PTPRG: variants seen among roughly 807,000 people sequenced by gnomAD.
The protein encoded by PTPRG is receptor-type tyrosine-protein phosphatase gamma.
In PTPRG, 102 loss-of-function variants were observed where a neutral mutation model predicts 165.3. That is an observed-to-expected ratio of 0.62 (90% CI 0.53 to 0.73). PTPRG has a LOEUF of 0.73. Ranked by LOEUF, PTPRG falls within the 30% of genes least tolerant of loss-of-function variation. The pLI, the probability that PTPRG is intolerant of heterozygous loss-of-function variation, is 0.00. For missense variants in PTPRG, 1,866 were observed against 1,861.4 expected, an observed-to-expected ratio of 1.00 and a Z score of -0.05; for synonymous variants, 675 against 669.5, an observed-to-expected ratio of 1.01 and a Z score of -0.13.
chr3:61,746,039 C>A (rs1575628203), intron 1 of PTPRG, among the ~76,000 whole-genome samples: 1 of 122,824 alleles, frequency 8.1e-6, no homozygotes, highest in South Asian at 2.8e-4. Context: ...AACTTTCTTT[C>A]TTTTTCTTTT....
rs1553670530 is a variant in PTPRG at position 61,797,918 on chromosome 3, A to AC, written c.190+48937dup. On this transcript the variant is annotated intron_variant, in intron 2 of 29. Transcript: ENST00000474889. ...AGAGAAGGAGAAAAAAATGAAAAAA[A>AC]CAAGAAGGATGAGGATGAAATTTTT... 7.4e-4 allele frequency among the ~76,000 whole-genome samples: 113 copies of AC among 152,122 alleles called. 2 individuals carry two copies. In the East Asian group the frequency reaches 0.017, roughly 23 times the overall value.
chr3:61,865,355 C>G (rs1021505830), intron 2 of PTPRG, among the ~76,000 whole-genome samples: 12 of 152,168 alleles, frequency 7.9e-5, no homozygotes, highest in African/African-American at 2.2e-4. Context: ...ATTTAATTCT[C>G]CAAAAATCCC....
At chr3:62,028,828 T>G (rs146017338) in intron 4 of PTPRG, among the ~76,000 whole-genome samples, 3 of 152,380 alleles carry the variant, frequency 2.0e-5, no homozygotes, top group Non-Finnish European at 4.4e-5. Context: ...GGACATTTCC[T>G]CCTTCTGCTG....
intron 4 of PTPRG, among the ~76,000 whole-genome samples, chr3:62,017,418 ATT>A (rs11287319): frequency 6.0e-3 from 826 of 136,840 alleles, no homozygotes; most frequent in Middle Eastern, 0.011. Flanking sequence ...TCAGAAAATG[ATT>A]TTTTTTTTTT....
intron 2 of PTPRG, among the ~76,000 whole-genome samples, chr3:61,892,256 T>G (rs2038235332): frequency 6.6e-6 from 1 of 152,212 alleles, no homozygotes; most frequent in Non-Finnish European, 1.5e-5. Context: ...AGACAGAGTC[T>G]TGCTTTGTTG....
intron 16 of PTPRG, chr3:62,261,086 G>A (rs1701682972): frequency 6.6e-6 from 1 of 152,022 alleles, no homozygotes; most frequent in Non-Finnish European, 1.5e-5. Context: ...CATAGCTAGG[G>A]TGGTCAGATC....
At chr3:62,026,977 T>C (rs1050274076) in intron 4 of PTPRG, among the ~76,000 whole-genome samples, 1 of 151,760 alleles carries the variant, frequency 6.6e-6, no homozygotes, top group Non-Finnish European at 1.5e-5. Flanking sequence ...GCCAGACATA[T>C]GGGCAAATGA....
In PTPRG at chr3:62,019,346, A is replaced by G. The variant is rs915806603; in HGVS notation, c.519+15849A>G. ...AGACCACCCTGGGCTACATGGGGAA[A>G]CCCCATCTCTACCAAAAATACAAAA... On this transcript the variant is annotated intron_variant, in intron 4 of 29. Coordinates refer to ENST00000474889, the MANE Select transcript of PTPRG (RefSeq NM_002841.4). 2.0e-5 allele frequency among the ~76,000 whole-genome samples: 3 copies of G among 151,986 alleles called. 1 individual carries two copies. The South Asian group carries it at 6.2e-4, about 32-fold the overall frequency.
chr3:61,595,316 C>G (rs9867132), intron 1 of PTPRG, among the ~76,000 whole-genome samples: 24,971 of 148,754 alleles, frequency 0.17, 3,073 homozygotes, highest in African/African-American at 0.35. Flanking sequence ...GGGAAAAAAT[C>G]TGATTATATA....
intron 2 of PTPRG, among the ~76,000 whole-genome samples, chr3:61,898,558 A>G (rs1046793937): frequency 2.0e-5 from 3 of 152,208 alleles, no homozygotes; most frequent in African/African-American, 7.2e-5. Flanking sequence ...CTGAGTTCAT[A>G]TTTAAACCTA....
At chr3:61,925,057 C>T (rs1441331630) in intron 2 of PTPRG, among the ~76,000 whole-genome samples, 1 of 147,428 alleles carries the variant, frequency 6.8e-6, no homozygotes, top group African/African-American at 2.5e-5. Context: ...TCCTAGCCTC[C>T]AGAACTGTGA....
intron 2 of PTPRG, among the ~76,000 whole-genome samples, chr3:61,902,818 A>C (rs896306102): frequency 1.3e-5 from 2 of 152,108 alleles, no homozygotes; most frequent in African/African-American, 4.8e-5. Context: ...TGTATCTGGC[A>C]TATATCAGTG....
At chr3:62,209,594 G>A (rs1700310061) in intron 12 of PTPRG, among the ~76,000 whole-genome samples, 1 of 152,144 alleles carries the variant, frequency 6.6e-6, no homozygotes, top group South Asian at 2.1e-4. Flanking sequence ...GCCAGTGCTA[G>A]TTTTGCTCGT....
intron 2 of PTPRG, among the ~76,000 whole-genome samples, chr3:61,896,202 C>T (rs989395355): frequency 4.6e-5 from 7 of 152,264 alleles, no homozygotes; most frequent in East Asian, 1.9e-4. Context: ...TTTATAACCA[C>T]GCCTACCTCC....
chr3:62,068,525 G>T (rs531789073), intron 4 of PTPRG, among the ~76,000 whole-genome samples: 2 of 152,234 alleles, frequency 1.3e-5, no homozygotes, highest in East Asian at 3.9e-4. Flanking sequence ...ACCCAGGTTG[G>T]AGTGCAGTGA....
chr3:61,959,858 C>A (rs76312611), intron 2 of PTPRG, among the ~76,000 whole-genome samples: 14,170 of 152,120 alleles, frequency 0.093, 786 homozygotes, highest in East Asian at 0.22. Flanking sequence ...TCTTCTTTGC[C>A]CTTTAAGAGA....
intron 1 of PTPRG, among the ~76,000 whole-genome samples, chr3:61,696,000 A>G (rs1446319938): frequency 2.0e-5 from 3 of 152,148 alleles, no homozygotes; most frequent in African/African-American, 7.2e-5. Context: ...TGTTTTGACA[A>G]CATTCTGTGG....
At chr3:61,674,905 T>C (rs1703171144) in intron 1 of PTPRG, among the ~76,000 whole-genome samples, 1 of 152,192 alleles carries the variant, frequency 6.6e-6, no homozygotes, top group Non-Finnish European at 1.5e-5. Context: ...TAAAAACAGC[T>C]GGGTGAAAGT....
chr3:62,069,684 T>TCACACA lies in PTPRG; in HGVS notation c.520-8476_520-8471dup, dbSNP rs1553712762. On this transcript the variant is annotated intron_variant, in intron 4 of 29. Coordinates refer to ENST00000474889, the MANE Select transcript of PTPRG (RefSeq NM_002841.4). ...CTCTCTCTCTCTCTCTCTCTCTCTC[T>TCACACA]CACACACAGACACACGCACACACAC... is the stretch of plus-strand genomic sequence containing the variant. Among the ~76,000 whole-genome samples, 896 of 144,870 alleles carry TCACACA rather than the reference T, an allele frequency of 6.2e-3. 14 individuals carry two copies. The highest frequency in any genetic ancestry group is 0.018 in the African/African-American group (676 of 37,770).
Sources: allele counts gnomAD v4.1 joint callset (sites outside exome capture counted in the v4.1 genomes callset), GRCh38; gene constraint gnomAD v4.1.1; transcripts MANE v1.5; gene names NCBI Gene and HGNC (gene_info 2026-07-23, HGNC 2026-07-21).